The following CACNA2D3 variants were observed in gnomAD, a reference collection of about 807,000 sequenced individuals.
CACNA2D3 encodes the protein voltage-dependent calcium channel subunit alpha-2/delta-3.
Under a neutral mutation model 160.6 loss-of-function variants are expected in CACNA2D3, and 60 were observed. The observed-to-expected ratio is 0.37, with a 90% CI of 0.30 to 0.46. CACNA2D3 has a LOEUF of 0.46. CACNA2D3 is among the 20% of genes least tolerant of loss of function. The probability of loss-of-function intolerance (pLI) is 1.00; values close to 1 mark genes in which losing one functional copy is unlikely to be tolerated. For synonymous variants in CACNA2D3, 558 were observed against 492.9 expected, an observed-to-expected ratio of 1.13 and a Z score of -1.75; for missense variants, 1,205 against 1,365.0, an observed-to-expected ratio of 0.88 and a Z score of 1.85.
intron 11 of CACNA2D3, 76 bp downstream of exon 11, chr3:54,642,317 T>A: frequency 3.8e-6 from 3 of 793,170 alleles, no homozygotes; most frequent in South Asian, 2.0e-5. Flanking sequence ...TGTCCATGAG[T>A]AAGTGCCTCA....
At chr3:54,261,908 T>C (rs1195345556) in intron 2 of CACNA2D3, among the ~76,000 whole-genome samples, 2 of 152,138 alleles carry the variant, frequency 1.3e-5, no homozygotes, top group Non-Finnish European at 2.9e-5. Flanking sequence ...CCCACTGGAA[T>C]TGCACAGACC....
In CACNA2D3 at chr3:54,831,972, T is replaced by C. The variant is rs182579269; in HGVS notation, c.1399-5187T>C. 4.2e-3 allele frequency among the ~76,000 whole-genome samples: 631 copies of C among 149,516 alleles called. 6 individuals carry two copies. Among genetic ancestry groups the C allele is most frequent in the Middle Eastern group, 0.014 (4 of 290 alleles). On this transcript the variant is annotated intron_variant, in intron 14 of 37. Coordinates refer to ENST00000474759, the MANE Select transcript of CACNA2D3 (RefSeq NM_018398.3). ...CAGGTACCCTCCCGCCCTTTCCCTC[T>C]TTTTTTTCCTCCCTCCCTCTTTATC...
intron 11 of CACNA2D3, among the ~76,000 whole-genome samples, chr3:54,698,660 G>A (rs1700709928): frequency 6.6e-6 from 1 of 152,152 alleles, no homozygotes; most frequent in African/African-American, 2.4e-5. Context: ...GAACGTACAA[G>A]TAAGCAGAAT....
chr3:54,937,850 G>A (rs1211662903), intron 27 of CACNA2D3, among the ~76,000 whole-genome samples: 1 of 152,152 alleles, frequency 6.6e-6, no homozygotes, highest in Non-Finnish European at 1.5e-5. Context: ...GGTGAGGAAG[G>A]AGCTTGGGCA....
At chr3:54,412,128 A>G (rs1223749666) in intron 4 of CACNA2D3, among the ~76,000 whole-genome samples, 1 of 152,092 alleles carries the variant, frequency 6.6e-6, no homozygotes, top group Admixed American at 6.6e-5. Context: ...GGTTTCTTTT[A>G]TTGATCATAA....
intron 2 of CACNA2D3, among the ~76,000 whole-genome samples, chr3:54,212,731 TG>T (rs1482357415): frequency 6.6e-6 from 1 of 152,028 alleles, no homozygotes; most frequent in Non-Finnish European, 1.5e-5. Flanking sequence ...TTTAGATGGT[TG>T]GGGGTGGGAA....
chr3:54,453,632 T>C (rs999092632), intron 4 of CACNA2D3, among the ~76,000 whole-genome samples: 2 of 152,192 alleles, frequency 1.3e-5, no homozygotes, highest in African/African-American at 4.8e-5. Flanking sequence ...CAGGGCCCAG[T>C]CCAAGGATTC....
At chr3:54,155,674 A>T (rs1372851850) in intron 2 of CACNA2D3, among the ~76,000 whole-genome samples, 1 of 152,202 alleles carries the variant, frequency 6.6e-6, no homozygotes. Context: ...AAACTCCCTC[A>T]TGGTGTGGAT....
chr3:54,492,491 C>T (rs1701126316), intron 4 of CACNA2D3, among the ~76,000 whole-genome samples: 1 of 152,200 alleles, frequency 6.6e-6, no homozygotes. Context: ...CTTCCTCACC[C>T]TCTGAGCAGC....
intron 9 of CACNA2D3, among the ~76,000 whole-genome samples, chr3:54,606,170 T>C (rs1001867407): frequency 2.0e-5 from 3 of 152,152 alleles, no homozygotes; most frequent in Non-Finnish European, 2.9e-5. Context: ...ATTTCATTTA[T>C]GAATCACATA....
chr3:54,705,992 G>T (rs1700850365), intron 11 of CACNA2D3, among the ~76,000 whole-genome samples: 1 of 152,136 alleles, frequency 6.6e-6, no homozygotes, highest in South Asian at 2.1e-4. Context: ...TCCGGCTTCT[G>T]TGCTCCTTTG....
intron 12 of CACNA2D3, among the ~76,000 whole-genome samples, chr3:54,760,472 G>A (rs1013032843): frequency 2.6e-5 from 4 of 152,088 alleles, no homozygotes; most frequent in African/African-American, 9.7e-5. Flanking sequence ...TGGAGGTCAG[G>A]GTAAGACATC....
At chr3:54,565,797 G>C (rs1702400604) in intron 6 of CACNA2D3, among the ~76,000 whole-genome samples, 1 of 152,150 alleles carries the variant, frequency 6.6e-6, no homozygotes, top group Non-Finnish European at 1.5e-5. Flanking sequence ...TTGCAAAAAG[G>C]TCTTACTGAA....
At chr3:54,481,155 A>G (rs1173425429) in intron 4 of CACNA2D3, among the ~76,000 whole-genome samples, 3 of 152,210 alleles carry the variant, frequency 2.0e-5, no homozygotes, top group Non-Finnish European at 4.4e-5. Flanking sequence ...CAAACATGAA[A>G]GAGTGGCCTC....
At chr3:54,588,161 G>A (rs532394726) in intron 9 of CACNA2D3, among the ~76,000 whole-genome samples, 1 of 152,300 alleles carries the variant, frequency 6.6e-6, no homozygotes, top group South Asian at 2.1e-4. Flanking sequence ...TAACATCCAT[G>A]TCAAATCAAT....
chr3:54,898,063 T>TTG (rs1700231666), intron 26 of CACNA2D3, among the ~76,000 whole-genome samples: 1 of 144,050 alleles, frequency 6.9e-6, no homozygotes, highest in Non-Finnish European at 1.5e-5. Flanking sequence ...TGTCCGAAGC[T>TTG]CGCTTGCTTG....
intron 27 of CACNA2D3, among the ~76,000 whole-genome samples, chr3:54,916,286 G>C (rs1022650884): frequency 6.6e-6 from 1 of 152,080 alleles, no homozygotes; most frequent in African/African-American, 2.4e-5. Context: ...TTCTCACACT[G>C]CCTTCTTGGC....
At chr3:54,612,151 G>T (rs1698760536) in intron 9 of CACNA2D3, among the ~76,000 whole-genome samples, 1 of 152,170 alleles carries the variant, frequency 6.6e-6, no homozygotes, top group Admixed American at 6.5e-5. Flanking sequence ...AGAGAGGGAA[G>T]TGAGGGCTTA....
chr3:54,919,469 C>T (rs1302986766), intron 27 of CACNA2D3, among the ~76,000 whole-genome samples: 1 of 152,162 alleles, frequency 6.6e-6, no homozygotes, highest in East Asian at 1.9e-4. Context: ...GAATTCGGTA[C>T]CATGAATGTG....
Sources: allele counts gnomAD v4.1 joint callset (sites outside exome capture counted in the v4.1 genomes callset), GRCh38; gene constraint gnomAD v4.1.1; transcripts MANE v1.5; gene names NCBI Gene and HGNC (gene_info 2026-07-23, HGNC 2026-07-21).